Variants in ADAMTS17 observed in about 807,000 individuals in gnomAD.
ADAMTS17 encodes the protein A disintegrin and metalloproteinase with thrombospondin motifs 17.
ADAMTS17 carries 113 observed loss-of-function variants against 141.5 expected under a neutral mutation model. The observed-to-expected ratio is 0.80, with a 90% CI of 0.69 to 0.93. ADAMTS17 has a LOEUF of 0.93. Ranked by LOEUF, ADAMTS17 falls within the 40% of genes least tolerant of loss-of-function variation. The pLI is 0.00. For synonymous variants in ADAMTS17, 768 were observed against 630.6 expected, an observed-to-expected ratio of 1.22 and a Z score of -3.27; for missense variants, 1,659 against 1,517.9, an observed-to-expected ratio of 1.09 and a Z score of -1.54.
At chr15:100,110,236 AATAT>A (rs71151937) in intron 13 of ADAMTS17, among the ~76,000 whole-genome samples, 5 of 139,590 alleles carry the variant, frequency 3.6e-5, no homozygotes, top group African/African-American at 1.3e-4. Context: ...TATTTATATA[AATAT>A]ATATATATAT....
chr15:100,101,567 C>T (rs756710731), intron 14 of ADAMTS17, among the ~76,000 whole-genome samples: 8 of 152,306 alleles, frequency 5.3e-5, no homozygotes, highest in Non-Finnish European at 7.4e-5. Flanking sequence ...ATCTCCCTAA[C>T]GGACCATAAG....
intron 3 of ADAMTS17, among the ~76,000 whole-genome samples, chr15:100,330,605 A>G (rs931577662): frequency 1.3e-5 from 2 of 152,158 alleles, no homozygotes; most frequent in African/African-American, 4.8e-5. Flanking sequence ...AAGCTCGGCT[A>G]CAAGGTTTTT....
intron 13 of ADAMTS17, among the ~76,000 whole-genome samples, chr15:100,114,308 C>T (rs896454685): frequency 5.3e-5 from 8 of 152,070 alleles, no homozygotes; most frequent in African/African-American, 1.2e-4. Context: ...CAGAAGAGCC[C>T]GGAGCCCAAC....
chr15:99,976,116 G>A lies in ADAMTS17; in HGVS notation c.3056C>T (p.Pro1019Leu), dbSNP rs917905991. Residue 1019 changes from proline to leucine, a missense_variant, in exon 21 of 22, where the codon CCC becomes CTC. By Grantham distance (98) the Pro-to-Leu change is moderately conservative. Transcript: ENST00000268070. ...SECPALSKPA[P>L]YRQCYQEVCN... ...GACCTCCTGGTAGCACTGTCTGTAGGGGGCAGGCTTCGAGAGGGCGGGGCA... is the reference window on the plus strand; with the variant it reads ...GACCTCCTGGTAGCACTGTCTGTAGAGGGCAGGCTTCGAGAGGGCGGGGCA... The A allele has an allele frequency of 9.7e-6, 15 of 1,551,512 alleles. No homozygotes were observed. Among genetic ancestry groups the A allele is most frequent in the African/African-American group, 1.4e-5 (1 of 73,178 alleles).
chr15:100,217,376 C>A (rs1312662526), intron 7 of ADAMTS17, among the ~76,000 whole-genome samples: 1 of 152,112 alleles, frequency 6.6e-6, no homozygotes, highest in Non-Finnish European at 1.5e-5. Context: ...GCAGGCGGAC[C>A]ACCTGAGGTC....
chr15:100,205,657 C>T (rs1442931742), intron 7 of ADAMTS17, among the ~76,000 whole-genome samples: 1 of 152,180 alleles, frequency 6.6e-6, no homozygotes, highest in Non-Finnish European at 1.5e-5. Context: ...CTCAGGACAT[C>T]AGAGGAGCCT....
chr15:100,250,829 T>C (rs964741578), intron 7 of ADAMTS17, among the ~76,000 whole-genome samples: 2 of 152,188 alleles, frequency 1.3e-5, no homozygotes, highest in East Asian at 1.9e-4. Flanking sequence ...AGCTGGGTGA[T>C]AGGTACAACA....
intron 3 of ADAMTS17, among the ~76,000 whole-genome samples, chr15:100,320,240 A>G (rs1266956995): frequency 6.6e-6 from 1 of 152,146 alleles, no homozygotes; most frequent in Non-Finnish European, 1.5e-5. Context: ...ATCCACATAT[A>G]TCAACTAGGA....
At chr15:100,166,424 A>G (rs1435785282) in intron 8 of ADAMTS17, among the ~76,000 whole-genome samples, 1 of 152,226 alleles carries the variant, frequency 6.6e-6, no homozygotes, top group African/African-American at 2.4e-5. Flanking sequence ...AAATAATATT[A>G]AATATCAGTT....
intron 8 of ADAMTS17, among the ~76,000 whole-genome samples, chr15:100,197,163 T>C (rs2041151585): frequency 6.6e-6 from 1 of 152,190 alleles, no homozygotes; most frequent in Non-Finnish European, 1.5e-5. Flanking sequence ...CCCTCTGTAT[T>C]TTTAATGTCT....
At chr15:100,142,803 G>C (rs1388586305) in intron 10 of ADAMTS17, among the ~76,000 whole-genome samples, 1 of 152,218 alleles carries the variant, frequency 6.6e-6, no homozygotes. Flanking sequence ...AGAAACAATT[G>C]TCTAAGACCT....
At chr15:100,155,427 C>G (rs549041915) in intron 8 of ADAMTS17, 107 bp from the exon 9 acceptor site, 1 of 1,483,834 alleles carries the variant, frequency 6.7e-7, no homozygotes, top group African/African-American at 1.4e-5. Context: ...AAAACAAAAA[C>G]GGACGTAACG....
At chr15:100,166,473 G>C (rs1264955514) in intron 8 of ADAMTS17, among the ~76,000 whole-genome samples, 1 of 152,158 alleles carries the variant, frequency 6.6e-6, no homozygotes, top group Non-Finnish European at 1.5e-5. Context: ...ATATCGACTG[G>C]AAATGCTACT....
chr15:99,974,391 G>A lies in ADAMTS17; in HGVS notation c.*11C>T. On this transcript the variant is annotated 3_prime_UTR_variant, in exon 22 of 22. Transcript: ENST00000268070. Reference sequence around the variant, plus strand: ...TGAGTCTGAGCTTTGAGCGACCCTTGGGACTGCGTGTCACGAGTTCGGCGG... The same window carrying A: ...TGAGTCTGAGCTTTGAGCGACCCTTAGGACTGCGTGTCACGAGTTCGGCGG... The A allele has an allele frequency of 6.2e-7, 1 of 1,614,062 alleles. No homozygotes were observed. Among genetic ancestry groups the A allele is most frequent in the Non-Finnish European group, 8.5e-7 (1 of 1,180,012 alleles).
At chr15:100,252,265 T>C (rs1211450203) in intron 7 of ADAMTS17, among the ~76,000 whole-genome samples, 1 of 152,226 alleles carries the variant, frequency 6.6e-6, no homozygotes, top group Non-Finnish European at 1.5e-5. Context: ...ACACTGGCAT[T>C]GGAGTCCCTT....
At chr15:100,108,622 G>A (rs2036552828) in intron 14 of ADAMTS17, among the ~76,000 whole-genome samples, 1 of 152,226 alleles carries the variant, frequency 6.6e-6, no homozygotes, top group African/African-American at 2.4e-5. Context: ...CACAGGCATT[G>A]GCTCAGTTCT....
intron 7 of ADAMTS17, among the ~76,000 whole-genome samples, chr15:100,230,221 C>T (rs1405238593): frequency 1.3e-5 from 2 of 152,190 alleles, no homozygotes; most frequent in South Asian, 2.1e-4. Context: ...GAATGACACC[C>T]GCGGTGCACG....
chr15:100,055,401 T>A (rs915768631), intron 15 of ADAMTS17, among the ~76,000 whole-genome samples: 1 of 152,228 alleles, frequency 6.6e-6, no homozygotes, highest in Non-Finnish European at 1.5e-5. Flanking sequence ...GGGTAGTCAC[T>A]GGCCTCAGTT....
At chr15:100,326,292 A>G (rs956201360) in intron 3 of ADAMTS17, among the ~76,000 whole-genome samples, 1 of 152,226 alleles carries the variant, frequency 6.6e-6, no homozygotes, top group Non-Finnish European at 1.5e-5. Flanking sequence ...TAAGATGTAG[A>G]AGGACAGGAA....
Sources: allele counts gnomAD v4.1 joint callset (sites outside exome capture counted in the v4.1 genomes callset), GRCh38; gene constraint gnomAD v4.1.1; transcripts MANE v1.5; gene names NCBI Gene and HGNC (gene_info 2026-07-23, HGNC 2026-07-21).